The following RUVBL2 variants were observed in gnomAD, a reference collection of about 807,000 sequenced individuals.
RUVBL2 encodes the protein RuvB like AAA ATPase 2, also known as ruvB-like 2.
Under a neutral mutation model 57.9 loss-of-function variants are expected in RUVBL2, and 9 were observed. That is an observed-to-expected ratio of 0.16 (90% confidence interval 0.09 to 0.27). The LOEUF (loss-of-function observed/expected upper bound fraction) is 0.27. RUVBL2 is among the 10% of genes least tolerant of loss of function. The pLI, the probability that RUVBL2 is intolerant of heterozygous loss-of-function variation, is 1.00. For synonymous variants in RUVBL2, 278 were observed against 264.6 expected, an observed-to-expected ratio of 1.05 and a Z score of -0.49; for missense variants, 456 against 669.6, an observed-to-expected ratio of 0.68 and a Z score of 3.52.
chr19:49,009,444 G>GCTA (rs1419826931), intron 6 of RUVBL2, among the ~76,000 whole-genome samples: 1 of 150,112 alleles, frequency 6.7e-6, no homozygotes, highest in Non-Finnish European at 1.5e-5. Flanking sequence ...CCGAGATCAT[G>GCTA]CTACTACACT....
At chr19:49,007,903 T>G (rs1476799674) in intron 6 of RUVBL2, among the ~76,000 whole-genome samples, 1 of 152,138 alleles carries the variant, frequency 6.6e-6, no homozygotes, top group East Asian at 1.9e-4. Context: ...GAGACGGGGT[T>G]TCACCATGTT....
chr19:49,006,050 T>C (rs1444688903), intron 4 of RUVBL2, among the ~76,000 whole-genome samples: 5 of 152,234 alleles, frequency 3.3e-5, no homozygotes, highest in African/African-American at 1.2e-4. Flanking sequence ...GAGGCTAGCC[T>C]CGCCCTGGCG....
intron 4 of RUVBL2, among the ~76,000 whole-genome samples, chr19:49,004,907 C>T (rs1387341368): frequency 1.3e-5 from 2 of 151,586 alleles, no homozygotes; most frequent in African/African-American, 4.9e-5. Flanking sequence ...TAATTTGGAC[C>T]ATTTTTGCCT....
rs1201913336 is a variant in RUVBL2, at chr19:49,007,122, C to T, written c.370C>T (p.Arg124Trp). Reference protein sequence around the residue: ...SKTEALTQAFRRSIGVRIKEE... With the variant: ...SKTEALTQAFWRSIGVRIKEE... ...GACCGAGGCGCTGACGCAGGCCTTCCGGCGGTCCATCGGCGTTCGCATCAA... is the reference window on the plus strand; with the variant it reads ...GACCGAGGCGCTGACGCAGGCCTTCTGGCGGTCCATCGGCGTTCGCATCAA... The change falls in exon 5 of 15, where the codon CGG (arginine) becomes TGG (tryptophan). Residue 124 changes from arginine (R) to tryptophan (W), a missense_variant. Transcript: ENST00000595090. 2 of 1,613,284 alleles carry T rather than the reference C, an allele frequency of 1.2e-6. No individual in the cohort carries two copies. Among genetic ancestry groups the T allele is most frequent in the Non-Finnish European group, 1.7e-6 (2 of 1,180,044 alleles).
chr19:49,015,900 T>G lies in RUVBL2; in HGVS notation c.*58T>G. ...TCCACCAGAGTTCTGACACTGTGAC[T>G]CTGTATAAAATGGTTGGGAAGCTGC... On this transcript the variant is annotated 3_prime_UTR_variant, in exon 15 of 15. Coordinates refer to ENST00000595090, the MANE Select transcript of RUVBL2 (RefSeq NM_006666.3). 1 of 1,614,000 alleles carries G rather than the reference T, an allele frequency of 6.2e-7. No individual in the cohort carries two copies. The highest frequency in any genetic ancestry group is 1.1e-5 in the South Asian group (1 of 91,088).
At chr19:48,996,713 G>C (rs2039069676) in intron 1 of RUVBL2, among the ~76,000 whole-genome samples, 1 of 152,186 alleles carries the variant, frequency 6.6e-6, no homozygotes, top group African/African-American at 2.4e-5. Flanking sequence ...TTTTAGTGTA[G>C]ACTGGGTTTC....
In RUVBL2 at chr19:49,011,399, C is replaced by T. The variant is rs1045979053; in HGVS notation, c.1001+89C>T. The T allele has an allele frequency of 8.4e-6, 9 of 1,077,320 alleles. No individual in the cohort carries two copies. Among genetic ancestry groups the T allele is most frequent in the African/African-American group, 1.5e-5 (1 of 64,706 alleles). 66.7% of individuals were successfully genotyped at this position (1,077,320 alleles called of 1,614,324 possible). On this transcript the variant is annotated intron_variant, in intron 11 of 14. Transcript: ENST00000595090. This position sits in a 1 kb window ranked among gnomAD's most constrained non-coding sequence, Gnocchi z 4.4. ...GGTCAATGGGAGCCTGTGTTGACAC[C>T]GGGTCAGGGAGGGACGCGTGACTGC...
intron 1 of RUVBL2, 29 bp downstream of exon 1, chr19:48,993,952 G>C: frequency 6.2e-7 from 1 of 1,613,810 alleles, no homozygotes; most frequent in South Asian, 1.1e-5. Context: ...AGGGTGAGGA[G>C]CGAGCTAGCA....
chr19:48,996,150 CA>C (rs533205646), intron 1 of RUVBL2, among the ~76,000 whole-genome samples: 35 of 140,710 alleles, frequency 2.5e-4, no homozygotes, highest in African/African-American at 4.7e-4. Flanking sequence ...GATCTTATCT[CA>C]AAAAAAAAAA....
intron 1 of RUVBL2, among the ~76,000 whole-genome samples, chr19:48,997,382 G>A (rs2039082802): frequency 6.6e-6 from 1 of 152,122 alleles, no homozygotes; most frequent in Non-Finnish European, 1.5e-5. Flanking sequence ...CCAACGCTTT[G>A]GGGTGCCAAG....
intron 13 of RUVBL2, 180 bp downstream of exon 13, chr19:49,015,330 C>A (rs1323778657): frequency 2.5e-6 from 2 of 813,836 alleles, no homozygotes; most frequent in Non-Finnish European, 3.9e-6. Context: ...CAGTAAATCT[C>A]TCTTGACTTA....
chr19:49,010,172 CTGTT>C lies in RUVBL2; in HGVS notation c.663+110_663+113del, dbSNP rs199677233. The C allele has an allele frequency of 3.6e-3, 3,835 of 1,059,716 alleles. 13 individuals are homozygous for C. The highest frequency in any genetic ancestry group is 0.011 in the Middle Eastern group (56 of 5,056). The allele number at this position is 1,059,716 out of a possible 1,614,324, so 65.6% of individuals were successfully genotyped here. On this transcript the variant is annotated intron_variant, in intron 8 of 14. Transcript: ENST00000595090. ...GGTCTGGATCTTCCTGTTACCCTGA[CTGTT>C]TGTCCTGGTACTCCTGGGTCTTCCC...
chr19:48,999,227 G>A, intron 1 of RUVBL2, 92 bp from the exon 2 acceptor site: 11 of 1,368,414 alleles, frequency 8.0e-6, no homozygotes, highest in East Asian at 2.3e-5. Flanking sequence ...AGGGGAAGGA[G>A]TGGAAAGGAC....
In RUVBL2 at chr19:49,015,056, C is replaced by T; in HGVS notation, c.1157C>T (p.Ala386Val). 1.9e-6 allele frequency: 3 copies of T among 1,607,870 alleles called. No homozygotes were observed. Among genetic ancestry groups the T allele is most frequent in the Non-Finnish European group, 2.5e-6 (3 of 1,177,266 alleles). Residue 386 changes from alanine (A) to valine (V), a missense_variant, in exon 13 of 15, where the codon GCC (alanine) becomes GTC (valine). Ala to Val is a moderately conservative substitution (Grantham distance 64). Transcript: ENST00000595090. ...GAAGATGTGGAGATGAGTGAGGACG[C>T]CTACACGGTGCTGACCCGCATCGGG... ...EEEDVEMSEDAYTVLTRIGLE... is the reference protein window; with the variant it reads ...EEEDVEMSEDVYTVLTRIGLE...
chr19:48,994,141 C>A, intron 1 of RUVBL2: 1 of 600,874 alleles, frequency 1.7e-6, no homozygotes. Flanking sequence ...GGGCTGGGAT[C>A]CCAGAATCTC....
chr19:49,013,979 A>G (rs962396393), intron 11 of RUVBL2, among the ~76,000 whole-genome samples: 11 of 152,242 alleles, frequency 7.2e-5, no homozygotes, highest in African/African-American at 2.4e-4. Context: ...TTATATATAT[A>G]TGGATTGATG....
At chr19:49,010,660 A>G (rs769310742) in intron 9 of RUVBL2, 49 bp downstream of exon 9, 4 of 1,607,482 alleles carry the variant, frequency 2.5e-6, no homozygotes, top group Non-Finnish European at 2.5e-6. Flanking sequence ...CAGGCCTAGC[A>G]GCCTCCCTCG....
At chr19:49,010,643 C>T (rs373302854) in intron 9 of RUVBL2, 32 bp downstream of exon 9, 25 of 1,611,710 alleles carry the variant, frequency 1.6e-5, no homozygotes, top group Non-Finnish European at 2.0e-5. Context: ...CCTGCCCTGC[C>T]CTGCCCCAGG....
chr19:49,008,008 CTTTTTTTTT>C (rs915809242), intron 6 of RUVBL2, among the ~76,000 whole-genome samples: 5 of 90,406 alleles, frequency 5.5e-5, no homozygotes, highest in East Asian at 3.2e-4. Flanking sequence ...TACCTGGCCT[CTTTTTTTTT>C]TTTTTTTTTT....
Sources: allele counts gnomAD v4.1 joint callset (sites outside exome capture counted in the v4.1 genomes callset), GRCh38; gene constraint gnomAD v4.1.1; non-coding constraint Gnocchi (gnomAD v3.1); transcripts MANE v1.5; gene names NCBI Gene and HGNC (gene_info 2026-07-23, HGNC 2026-07-21).